Variants in MFSD11 observed in about 807,000 individuals in gnomAD.
MFSD11 encodes the protein major facilitator superfamily domain containing 11.
MFSD11 carries 36 observed loss-of-function variants against 53.5 expected under a neutral mutation model. The ratio of observed to expected loss-of-function variants is 0.67; its 90% CI spans 0.52 to 0.89. The LOEUF (loss-of-function observed/expected upper bound fraction) is 0.89. MFSD11 is among the 40% of genes least tolerant of loss of function. The pLI is 0.00. For missense variants in MFSD11, 530 were observed against 543.9 expected, an observed-to-expected ratio of 0.97 and a Z score of 0.25; for synonymous variants, 186 against 184.9, an observed-to-expected ratio of 1.01 and a Z score of -0.05.
chr17:76,778,230 C>A lies in MFSD11; in HGVS notation c.1228C>A (p.Leu410Ile), dbSNP rs775543230. ...GGCATTTTTCTACAGCAACTACCTT[C>A]TCCTTCACTGGCAACTCCTGGTCAT... ...AVAFFYSNYLLLHWQLLVMVI... is the reference protein window; with the variant it reads ...AVAFFYSNYLILHWQLLVMVI... The change falls in exon 13 of 13, where the codon CTC (leucine) becomes ATC (isoleucine). Residue 410 changes from leucine to isoleucine, a missense_variant. Transcript: ENST00000685175. 1.2e-6 allele frequency: 2 copies of A among 1,614,204 alleles called. No homozygotes were observed. Among genetic ancestry groups the A allele is most frequent in the Non-Finnish European group, 1.7e-6 (2 of 1,180,020 alleles).
the MFSD11 span, among the ~76,000 whole-genome samples, chr17:76,798,715 C>T: frequency 1.3e-5 from 2 of 152,106 alleles, no homozygotes; most frequent in African/African-American, 4.8e-5. Flanking sequence ...TGAGCTGTTG[C>T]TCTATTATGA....
rs769774927 is a variant in MFSD11, at chr17:76,775,056, C to A, written c.934C>A (p.Leu312Met). Reference sequence around the variant, plus strand: ...TCGTTTTGGTAGAAATCCAGTTGTGCTGTTGGGCATCCTGGTGCACTTCAT... The same window carrying A: ...TCGTTTTGGTAGAAATCCAGTTGTGATGTTGGGCATCCTGGTGCACTTCAT... ...NNRFGRNPVV[L>M]LGILVHFIAF... The change falls in exon 11 of 13, where the codon CTG (leucine) becomes ATG (methionine). Residue 312 changes from leucine (L) to methionine (M), a missense_variant. Coordinates refer to ENST00000685175, the MANE Select transcript of MFSD11 (RefSeq NM_001242532.5). 2 of 1,614,074 alleles carry A rather than the reference C, an allele frequency of 1.2e-6. No homozygotes were observed. Among genetic ancestry groups the A allele is most frequent in the Non-Finnish European group, 8.5e-7 (1 of 1,179,956 alleles).
Position 76,755,813 on chromosome 17 carries a change from T to TATATATATATATATATATATA in MFSD11, c.682+1726_682+1727insATATATATATATATATATATA, listed in dbSNP as rs1491559378. Among the ~76,000 whole-genome samples the TATATATATATATATATATATA allele has an allele frequency of 8.6e-4, 13 of 15,062 alleles. 1 individual carries two copies. Among genetic ancestry groups the TATATATATATATATATATATA allele is most frequent in the East Asian group, 5.3e-3 (2 of 378 alleles). 9.9% of individuals were successfully genotyped at this position (15,062 alleles called of 152,430 possible). On this transcript the variant is annotated intron_variant, in intron 8 of 12. Transcript: ENST00000685175. ...ATACATATATATATATATATATATA[T>TATATATATATATATATATATA]TTTTTTTTTTTTTTTTTTTTTTTTT... is the stretch of plus-strand genomic sequence containing the variant.
At chr17:76,757,665 G>A (rs747315679) in intron 8 of MFSD11, among the ~76,000 whole-genome samples, 5 of 152,106 alleles carry the variant, frequency 3.3e-5, no homozygotes, top group Non-Finnish European at 5.9e-5. Flanking sequence ...TTGATCTTGA[G>A]GAAACAATGC....
chr17:76,801,027 A>AGAT, the MFSD11 span, among the ~76,000 whole-genome samples: 1 of 151,654 alleles, frequency 6.6e-6, no homozygotes, highest in Non-Finnish European at 1.5e-5. Flanking sequence ...CAGTGAGCCG[A>AGAT]GATGGCACAC....
the MFSD11 span, among the ~76,000 whole-genome samples, chr17:76,800,269 GCTATTTTCTCTTTTTA>G: frequency 1.1e-4 from 17 of 152,084 alleles, no homozygotes; most frequent in Middle Eastern, 6.8e-3. Flanking sequence ...CTTCGGTTTT[GCTATTTTCTCTTTTTA>G]CTAAGTATCT....
At chr17:76,752,528 C>T (rs1270086827) in intron 7 of MFSD11, among the ~76,000 whole-genome samples, 1 of 151,786 alleles carries the variant, frequency 6.6e-6, no homozygotes, top group Non-Finnish European at 1.5e-5. Context: ...CAGGGGTGCA[C>T]CACCACACCC....
the MFSD11 span, among the ~76,000 whole-genome samples, chr17:76,802,784 C>CA: frequency 2.0e-5 from 3 of 152,040 alleles, no homozygotes; most frequent in Non-Finnish European, 2.9e-5. Flanking sequence ...TGAGTACACT[C>CA]AGACAATTGC....
intron 10 of MFSD11, among the ~76,000 whole-genome samples, chr17:76,772,523 T>TC (rs1220928111): frequency 6.6e-6 from 1 of 151,368 alleles, no homozygotes; most frequent in Non-Finnish European, 1.5e-5. Context: ...ACTTTTTTTT[T>TC]TTTTTTTTTT....
intron 8 of MFSD11, among the ~76,000 whole-genome samples, chr17:76,761,599 G>A (rs1297112870): frequency 6.6e-6 from 1 of 152,178 alleles, no homozygotes; most frequent in Admixed American, 6.6e-5. Flanking sequence ...TCATTAAGGT[G>A]TTAGATTCTG....
At chr17:76,775,281 T>C in intron 11 of MFSD11, 110 bp downstream of exon 11, 1 of 917,886 alleles carries the variant, frequency 1.1e-6, no homozygotes, top group Non-Finnish European at 1.6e-6. Context: ...GGTGTCTCTC[T>C]AAGGTCATCT....
chr17:76,788,085 G>A, the MFSD11 span, among the ~76,000 whole-genome samples: 7,389 of 148,998 alleles, frequency 0.05, 838 homozygotes, highest in African/African-American at 0.17. Flanking sequence ...CCTGTCACCA[G>A]GCTGGAATGC....
intron 12 of MFSD11, among the ~76,000 whole-genome samples, chr17:76,777,193 G>A (rs570445906): frequency 4.0e-5 from 6 of 151,854 alleles, no homozygotes; most frequent in Non-Finnish European, 8.8e-5. Flanking sequence ...GTGTGAACCC[G>A]GGAGGCGGAG....
chr17:76,795,811 G>A, the MFSD11 span, among the ~76,000 whole-genome samples: 2 of 148,604 alleles, frequency 1.3e-5, no homozygotes, highest in African/African-American at 2.5e-5. Context: ...CCGCCACCAC[G>A]CCCGGCTAAT....
chr17:76,766,455 TAAATA>T (rs1384767852), intron 8 of MFSD11, among the ~76,000 whole-genome samples: 2 of 150,030 alleles, frequency 1.3e-5, no homozygotes, highest in East Asian at 1.9e-4. Context: ...CCTAAATAAA[TAAATA>T]AAATAAAATG....
intron 7 of MFSD11, among the ~76,000 whole-genome samples, chr17:76,751,612 A>G (rs1416640869): frequency 6.6e-6 from 1 of 151,426 alleles, no homozygotes; most frequent in Non-Finnish European, 1.5e-5. Context: ...AGGCAGGAGG[A>G]TCACTTGAGC....
intron 7 of MFSD11, among the ~76,000 whole-genome samples, chr17:76,749,571 C>G (rs4788944): frequency 0.89 from 134,778 of 150,784 alleles, 62,165 homozygotes; most frequent in Non-Finnish European, 1. Context: ...TATGCTGTAG[C>G]CTATCTCCAT....
chr17:76,776,341 G>T lies in MFSD11; in HGVS notation c.1050-65G>T, dbSNP rs865920119. 96 of 1,536,684 alleles carry T rather than the reference G, an allele frequency of 6.2e-5. No homozygotes were observed. In the Middle Eastern group the frequency reaches 4.3e-3, roughly 69 times the overall value. ...GGTAGAATTCTTTTGTGGGTGGGTTGCTTGTATATTTTAAATGGCTCTAGC... is the reference window on the plus strand; with the variant it reads ...GGTAGAATTCTTTTGTGGGTGGGTTTCTTGTATATTTTAAATGGCTCTAGC... On this transcript the variant is annotated intron_variant, in intron 11 of 12. Coordinates refer to ENST00000685175, the MANE Select transcript of MFSD11 (RefSeq NM_001242532.5). The surrounding 1 kb of genome is among the most constrained non-coding windows in gnomAD (Gnocchi z 4.2).
chr17:76,774,560 T>C (rs1269743303), intron 10 of MFSD11, among the ~76,000 whole-genome samples: 2 of 152,242 alleles, frequency 1.3e-5, no homozygotes, highest in African/African-American at 2.4e-5. Context: ...TGACTCTTCC[T>C]AGGCCTCTCT....
Sources: allele counts gnomAD v4.1 joint callset (sites outside exome capture counted in the v4.1 genomes callset), GRCh38; gene constraint gnomAD v4.1.1; non-coding constraint Gnocchi (gnomAD v3.1); transcripts MANE v1.5; gene names NCBI Gene and HGNC (gene_info 2026-07-23, HGNC 2026-07-21).